FTO: variants seen among roughly 807,000 people sequenced by gnomAD.
FTO encodes the protein FTO alpha-ketoglutarate dependent dioxygenase.
FTO carries 47 observed loss-of-function variants against 63.9 expected under a neutral mutation model. The observed-to-expected ratio is 0.74, with a 90% CI of 0.58 to 0.94. FTO has a LOEUF of 0.94. Ranked by LOEUF, FTO falls within the 40% of genes least tolerant of loss-of-function variation. FTO has a pLI of 0.00. For synonymous variants in FTO, 207 were observed against 224.4 expected (o/e 0.92, Z 0.69); for missense variants, 562 against 618.1 (o/e 0.91, Z 0.96).
intron 8 of FTO, among the ~76,000 whole-genome samples, chr16:53,945,218 A>T (rs1481738979): frequency 6.6e-6 from 1 of 152,186 alleles, no homozygotes; most frequent in Non-Finnish European, 1.5e-5. Context: ...GTTACTCCTG[A>T]TGGGTTTCAC....
chr16:53,783,645 G>A (rs1166983989), intron 1 of FTO, among the ~76,000 whole-genome samples: 3 of 144,960 alleles, frequency 2.1e-5, no homozygotes, highest in Non-Finnish European at 1.5e-5. Context: ...AAAATTAGCC[G>A]GGCGTGGTGG....
intron 8 of FTO, among the ~76,000 whole-genome samples, chr16:54,103,072 C>T (rs1040658451): frequency 1.3e-5 from 2 of 152,076 alleles, no homozygotes; most frequent in Non-Finnish European, 2.9e-5. Context: ...TCACTGGAGC[C>T]CAGGAGTTGG....
chr16:53,917,709 AGTGT>A (rs35549801), intron 7 of FTO, among the ~76,000 whole-genome samples: 8,769 of 143,032 alleles, frequency 0.061, 467 homozygotes, highest in East Asian at 0.31. Flanking sequence ...AAATTGAGTG[AGTGT>A]GTGTGTGTGT....
chr16:53,830,930 C>T (rs2079127175), intron 3 of FTO, among the ~76,000 whole-genome samples: 1 of 151,940 alleles, frequency 6.6e-6, no homozygotes, highest in South Asian at 2.1e-4. Flanking sequence ...AATCCAAAAC[C>T]CAGGAAGGCT....
intron 8 of FTO, among the ~76,000 whole-genome samples, chr16:54,046,146 G>A (rs201592656): frequency 0.032 from 3,001 of 93,778 alleles, 235 homozygotes; most frequent in South Asian, 0.084. Flanking sequence ...AGGGTATTCA[G>A]TTAGGAAAAG....
intron 1 of FTO, among the ~76,000 whole-genome samples, chr16:53,761,910 G>A (rs1180506239): frequency 6.6e-6 from 1 of 152,166 alleles, no homozygotes; most frequent in African/African-American, 2.4e-5. Context: ...TGTTATATGT[G>A]ATTCTTTTAA....
intron 8 of FTO, among the ~76,000 whole-genome samples, chr16:54,061,124 G>T (rs1217239994): frequency 1.3e-5 from 2 of 152,178 alleles, no homozygotes; most frequent in East Asian, 1.9e-4. Flanking sequence ...CCTGGGTGGG[G>T]TGTTATTACT....
chr16:53,948,667 T>C (rs548840837), intron 8 of FTO, among the ~76,000 whole-genome samples: 11 of 152,260 alleles, frequency 7.2e-5, no homozygotes, highest in Non-Finnish European at 1.6e-4. Context: ...TCATATTGTA[T>C]GTGTATGCTT....
intron 4 of FTO, among the ~76,000 whole-genome samples, chr16:53,850,274 A>G (rs115075447): frequency 0.013 from 2,021 of 152,218 alleles, 48 homozygotes; most frequent in African/African-American, 0.045. Context: ...TGCCTATCCA[A>G]TATGAACTTC....
At chr16:53,725,977 A>G (rs1015225034) in intron 1 of FTO, among the ~76,000 whole-genome samples, 2 of 152,220 alleles carry the variant, frequency 1.3e-5, no homozygotes, top group African/African-American at 4.8e-5. Context: ...TGTAAATGAG[A>G]TAAGACATTT....
intron 8 of FTO, among the ~76,000 whole-genome samples, chr16:54,031,280 G>C (rs1009638189): frequency 1.1e-4 from 17 of 152,196 alleles, no homozygotes; most frequent in Admixed American, 1.1e-3. Context: ...GATACTTCTT[G>C]CTTGCTGCAC....
At chr16:54,109,621 C>A (rs1170521872) in intron 8 of FTO, among the ~76,000 whole-genome samples, 1 of 152,218 alleles carries the variant, frequency 6.6e-6, no homozygotes, top group Non-Finnish European at 1.5e-5. Context: ...GTGTGAGCCA[C>A]CACGCCTGGC....
chr16:54,082,208 C>G (rs1017485690), intron 8 of FTO, among the ~76,000 whole-genome samples: 1 of 152,192 alleles, frequency 6.6e-6, no homozygotes, highest in Non-Finnish European at 1.5e-5. Flanking sequence ...TGGTGTCACT[C>G]TCTCCAAACT....
At chr16:53,840,689 C>T (rs575940867) in intron 3 of FTO, among the ~76,000 whole-genome samples, 1 of 152,164 alleles carries the variant, frequency 6.6e-6, no homozygotes, top group Non-Finnish European at 1.5e-5. Context: ...TGCCTGTGAT[C>T]TCTGCAACCC....
At chr16:53,850,984 A>G (rs955571930) in intron 4 of FTO, among the ~76,000 whole-genome samples, 2 of 152,150 alleles carry the variant, frequency 1.3e-5, no homozygotes, top group African/African-American at 4.8e-5. Flanking sequence ...CAATAAAACT[A>G]TTTTAAAAAA....
At chr16:53,894,778 G>A (rs116328252) in intron 7 of FTO, among the ~76,000 whole-genome samples, 244 of 152,154 alleles carry the variant, frequency 1.6e-3, no homozygotes, top group African/African-American at 5.4e-3. Flanking sequence ...TAGTAATTTA[G>A]GATCAGATGT....
intron 8 of FTO, among the ~76,000 whole-genome samples, chr16:53,957,414 T>C (rs1035902003): frequency 1.3e-5 from 2 of 152,220 alleles, no homozygotes; most frequent in Non-Finnish European, 2.9e-5. Context: ...TCATGGTTCA[T>C]TGTAGAACGC....
intron 5 of FTO, among the ~76,000 whole-genome samples, chr16:53,877,795 TACATCCAGAAAAAAATTATTCC>T (rs1181917177): frequency 3.3e-4 from 50 of 152,128 alleles, no homozygotes; most frequent in Non-Finnish European, 5.3e-4. Context: ...CAAAACACTA[TACATCCAGAAAAAAATTATTCC>T]ACATCCCACC....
intron 1 of FTO, among the ~76,000 whole-genome samples, chr16:53,771,236 A>G (rs557281324): frequency 1.1e-4 from 17 of 152,310 alleles, no homozygotes; most frequent in African/African-American, 3.8e-4. Flanking sequence ...AGTCATCTCC[A>G]TCTCAGTACA....
Sources: gnomAD v4.1 joint callset for allele counts (sites outside exome capture counted in the v4.1 genomes callset) on GRCh38, gnomAD v4.1.1 for gene constraint, MANE v1.5 for transcripts, NCBI Gene and HGNC (gene_info 2026-07-23, HGNC 2026-07-21) for gene names.